Variants in PPM1L observed in about 807,000 individuals in gnomAD.
PPM1L encodes protein phosphatase 1L.
Under a neutral mutation model 31.4 loss-of-function variants are expected in PPM1L, and 13 were observed. That is an observed-to-expected ratio of 0.41 (90% CI 0.27 to 0.66). The LOEUF (loss-of-function observed/expected upper bound fraction) is 0.66. PPM1L is among the 30% of genes least tolerant of loss of function. The pLI, the probability that PPM1L is intolerant of heterozygous loss-of-function variation, is 0.29. For missense variants in PPM1L, 326 were observed against 453.7 expected (o/e 0.72, Z 2.56); for synonymous variants, 184 against 175.4 (o/e 1.05, Z -0.39).
intron 1 of PPM1L, among the ~76,000 whole-genome samples, chr3:160,845,478 C>A (rs1485102592): frequency 6.6e-6 from 1 of 151,908 alleles, no homozygotes; most frequent in Non-Finnish European, 1.5e-5. Flanking sequence ...ATTTGTAGCA[C>A]AAAGTTTTAG....
At chr3:160,978,926 A>G (rs1716704028) in intron 2 of PPM1L, among the ~76,000 whole-genome samples, 1 of 152,036 alleles carries the variant, frequency 6.6e-6, no homozygotes, top group African/African-American at 2.4e-5. Flanking sequence ...ATTGGACAGG[A>G]AAATGCATCT....
chr3:161,044,806 A>G (rs1719008566), intron 2 of PPM1L, among the ~76,000 whole-genome samples: 1 of 152,224 alleles, frequency 6.6e-6, no homozygotes, highest in Non-Finnish European at 1.5e-5. Context: ...TAAATGCTCC[A>G]ATTAAAAGAC....
rs769622565 is a variant in PPM1L, at chr3:160,823,190, A to C, written c.399+66483A>C. 9.2e-4 allele frequency among the ~76,000 whole-genome samples: 140 copies of C among 152,186 alleles called. 1 individual carries two copies. The highest frequency in any genetic ancestry group is 1.6e-3 in the Non-Finnish European group (111 of 67,978). ...ATGAAATTCAGGGGACTTCTTATTT[A>C]TAGGAAACTGGTTAATGTTGTTTCC... On this transcript the variant is annotated intron_variant, in intron 1 of 3. Coordinates refer to ENST00000498165, the MANE Select transcript of PPM1L (RefSeq NM_139245.4).
At chr3:160,946,399 A>G (rs1485623181) in intron 1 of PPM1L, among the ~76,000 whole-genome samples, 1 of 152,180 alleles carries the variant, frequency 6.6e-6, no homozygotes, top group Non-Finnish European at 1.5e-5. Context: ...TACTGCATAC[A>G]TGGTAGCTGT....
chr3:160,943,049 C>T (rs1257752835), intron 1 of PPM1L, among the ~76,000 whole-genome samples: 1 of 151,950 alleles, frequency 6.6e-6, no homozygotes, highest in Non-Finnish European at 1.5e-5. Context: ...ACTCATGTAC[C>T]TTTCTCCAGT....
intron 2 of PPM1L, among the ~76,000 whole-genome samples, chr3:160,999,398 A>G (rs1717414959): frequency 6.6e-6 from 1 of 152,188 alleles, no homozygotes; most frequent in African/African-American, 2.4e-5. Context: ...CCTATGACTC[A>G]TAACATATAT....
chr3:160,918,658 G>T (rs935969315), intron 1 of PPM1L, among the ~76,000 whole-genome samples: 1 of 152,094 alleles, frequency 6.6e-6, no homozygotes, highest in African/African-American at 2.4e-5. Flanking sequence ...AATTGAATAT[G>T]CTATATTTCT....
intron 2 of PPM1L, among the ~76,000 whole-genome samples, chr3:161,055,374 G>A (rs1465439214): frequency 6.6e-6 from 1 of 152,058 alleles, no homozygotes; most frequent in Non-Finnish European, 1.5e-5. Flanking sequence ...TGACCACAGT[G>A]TTGGCTGTGG....
rs376531936 is a variant in PPM1L at position 160,856,810 on chromosome 3, TA to T, written c.399+100115del. On this transcript the variant is annotated intron_variant, in intron 1 of 3. Coordinates refer to ENST00000498165, the MANE Select transcript of PPM1L (RefSeq NM_139245.4). Reference sequence around the variant, plus strand: ...GTGTACCCTGAACTACAATAAAAGCTAAAAAAAAAAAAGAAATTCAGATTTT... The same window carrying T: ...GTGTACCCTGAACTACAATAAAAGCTAAAAAAAAAAAGAAATTCAGATTTT... Among the ~76,000 whole-genome samples the T allele has an allele frequency of 9.1e-3, 1,288 of 141,316 alleles. 4 individuals carry two copies. The highest frequency in any genetic ancestry group is 0.014 in the Middle Eastern group (4 of 280). The allele number at this position is 141,316 out of a possible 152,430, so 92.7% of individuals were successfully genotyped here. A position where few individuals can be genotyped will look rare whatever the true frequency, so the allele number is the denominator to read the frequency against.
intron 1 of PPM1L, among the ~76,000 whole-genome samples, chr3:160,883,302 G>A (rs1335613478): frequency 6.6e-6 from 1 of 152,114 alleles, no homozygotes; most frequent in East Asian, 1.9e-4. Context: ...TTTATGAAAT[G>A]TAGTTGCATT....
intron 1 of PPM1L, among the ~76,000 whole-genome samples, chr3:160,922,494 C>G (rs992689161): frequency 6.6e-6 from 1 of 152,164 alleles, no homozygotes; most frequent in Non-Finnish European, 1.5e-5. Context: ...TCATATAATT[C>G]TCCATCACCC....
intron 2 of PPM1L, among the ~76,000 whole-genome samples, chr3:160,986,386 C>T (rs1416785184): frequency 6.6e-6 from 1 of 152,126 alleles, no homozygotes; most frequent in African/African-American, 2.4e-5. Flanking sequence ...CAGAGACTGG[C>T]CCAGGTTTCC....
intron 1 of PPM1L, among the ~76,000 whole-genome samples, chr3:160,958,304 G>A (rs1715845897): frequency 6.6e-6 from 1 of 152,156 alleles, no homozygotes; most frequent in Non-Finnish European, 1.5e-5. Context: ...TTACATTAAA[G>A]TCTTTAATCC....
intron 2 of PPM1L, among the ~76,000 whole-genome samples, chr3:161,003,114 G>C (rs1474340409): frequency 6.6e-6 from 1 of 151,622 alleles, no homozygotes; most frequent in Non-Finnish European, 1.5e-5. Context: ...CCCATTGCTT[G>C]TTTTTCTCAG....
intron 1 of PPM1L, among the ~76,000 whole-genome samples, chr3:160,776,950 T>C (rs1711573663): frequency 6.6e-6 from 1 of 151,788 alleles, no homozygotes; most frequent in Non-Finnish European, 1.5e-5. Context: ...CAGATTAATC[T>C]CATCATGGAA....
intron 1 of PPM1L, among the ~76,000 whole-genome samples, chr3:160,891,250 A>C (rs1479182162): frequency 6.6e-6 from 1 of 152,136 alleles, no homozygotes; most frequent in Non-Finnish European, 1.5e-5. Flanking sequence ...AATATCCAAA[A>C]TTTACAAGGA....
At chr3:160,804,607 C>T (rs1216482463) in intron 1 of PPM1L, among the ~76,000 whole-genome samples, 1 of 152,184 alleles carries the variant, frequency 6.6e-6, no homozygotes, top group East Asian at 1.9e-4. Context: ...GTATTCCTTA[C>T]CATTGCTCAT....
chr3:161,055,827 T>C (rs1719394719), intron 2 of PPM1L, among the ~76,000 whole-genome samples: 2 of 152,016 alleles, frequency 1.3e-5, no homozygotes, highest in Admixed American at 6.6e-5. Context: ...CTTATTCTCA[T>C]AGAAAAGACT....
intron 2 of PPM1L, among the ~76,000 whole-genome samples, chr3:160,976,580 A>T (rs1716585697): frequency 6.6e-6 from 1 of 151,562 alleles, no homozygotes; most frequent in South Asian, 2.1e-4. Flanking sequence ...CAGAGATTCA[A>T]CTTCTTCCTG....
Sources: allele counts gnomAD v4.1 joint callset (sites outside exome capture counted in the v4.1 genomes callset), GRCh38; gene constraint gnomAD v4.1.1; transcripts MANE v1.5; gene names NCBI Gene and HGNC (gene_info 2026-07-23, HGNC 2026-07-21).